The following MEGF8 variants were observed in gnomAD, a reference collection of about 807,000 sequenced individuals.
MEGF8 encodes multiple EGF like domains 8.
In MEGF8, 156 loss-of-function variants were observed where a neutral mutation model predicts 302.9. The observed-to-expected ratio is 0.52, with a 90% CI of 0.45 to 0.59. The LOEUF is 0.59. Ranked by LOEUF, MEGF8 falls within the 20% of genes least tolerant of loss-of-function variation. The probability of loss-of-function intolerance (pLI) is 0.00; values close to 1 mark genes in which losing one functional copy is unlikely to be tolerated. For synonymous variants in MEGF8, 1,621 were observed against 1,660.5 expected (o/e 0.98, Z 0.58); for missense variants, 3,345 against 3,964.5 (o/e 0.84, Z 4.20).
At chr19:42,333,082 C>T (rs2039075908) in intron 1 of MEGF8, among the ~76,000 whole-genome samples, 1 of 152,214 alleles carries the variant, frequency 6.6e-6, no homozygotes, top group Non-Finnish European at 1.5e-5. Context: ...GGGAACTATG[C>T]CGCTCCAAGG....
In MEGF8 at chr19:42,326,336, G is replaced by T; in HGVS notation, c.93G>T (p.Lys31Asn). Residue 31 changes from lysine (K) to asparagine (N), a missense_variant, in exon 1 of 42, where the codon AAG becomes AAT. Coordinates refer to ENST00000251268, the MANE Select transcript of MEGF8 (RefSeq NM_001271938.2). ...CTGGGGCCCGGGCGGGGGACTGCAA[G>T]GGGCAGCGGCAGGTGCTGCGGGAGG... ...LSPGARAGDC[K>N]GQRQVLREAP... The T allele has an allele frequency of 1.3e-6, 2 of 1,576,494 alleles. No homozygotes were observed. The highest frequency in any genetic ancestry group is 1.7e-6 in the Non-Finnish European group (2 of 1,166,094).
rs1033231623 is a variant in MEGF8, at chr19:42,325,854, C to T, written c.-390C>T. 4.4e-5 allele frequency: 8 copies of T among 179,864 alleles called. No individual in the cohort carries two copies. The highest frequency in any genetic ancestry group is 4.6e-5 in the Non-Finnish European group (4 of 86,882). 11.1% of individuals were successfully genotyped at this position (179,864 alleles called of 1,614,324 possible). On this transcript the variant is annotated 5_prime_UTR_variant, in exon 1 of 42. Transcript: ENST00000251268. The stretch of plus-strand genomic sequence containing the variant: ...GAGGCTCCTGCCGGGCCGTAGAGCC[C>T]TTCGCCCCCTGGGGACCCACCCGTC...
Position 42,369,723 on chromosome 19 carries a change from G to C in MEGF8, c.6834G>C (p.Lys2278Asn). Residue 2278 changes from lysine to asparagine, a missense_variant and splice_region_variant, in exon 38 of 42, where the codon AAG (lysine) becomes AAC (asparagine). Lys to Asn is a moderately conservative substitution (Grantham distance 94, BLOSUM62 0). Transcript: ENST00000251268. This position sits in a 1 kb window ranked among gnomAD's most constrained non-coding sequence, Gnocchi z 5.7. ...GCTTGCTCTGCCGCAACCACACCAA[G>C]GTGGGCCGCCCGGAGCCTCAGACCC... Reference protein sequence around the residue: ...DHCLLCRNHTKGSHCEQCLPL... With the variant: ...DHCLLCRNHTNGSHCEQCLPL... 6.2e-7 allele frequency: 1 copy of C among 1,602,048 alleles called. No homozygotes were observed. The highest frequency in any genetic ancestry group is 8.5e-7 in the Non-Finnish European group (1 of 1,175,556).
At position 42,334,208 on chromosome 19, in the gene MEGF8, G is replaced by A. The variant is rs766668498; in HGVS notation, c.553G>A (p.Ala185Thr). 10 of 1,592,218 alleles carry A rather than the reference G, an allele frequency of 6.3e-6. No homozygotes were observed. The highest frequency in any genetic ancestry group is 1.3e-5 in the African/African-American group (1 of 74,498). The change falls in exon 3 of 42, where the codon GCC (alanine) becomes ACC (threonine). Residue 185 changes from alanine (A) to threonine (T), a missense_variant. Transcript: ENST00000251268. ...CTACTGTGGCAGCCACGGCACCTGC[G>A]CCTCGGTGAGCCGGTCCCCAGCCCT... is the stretch of plus-strand genomic sequence containing the variant. ...SAYCGSHGTC[A>T]SPLGPCRCEP...
Position 42,353,728 on chromosome 19 carries a change from G to T in MEGF8, c.3762-47G>T, listed in dbSNP as rs765644603. ...GTAGGGTGTGCTTGGGGACACAGTG[G>T]GGAGGGTCAGGACTGGTCTGACACT... On this transcript the variant is annotated intron_variant, in intron 21 of 41. Coordinates refer to ENST00000251268, the MANE Select transcript of MEGF8 (RefSeq NM_001271938.2). This position sits in a 1 kb window ranked among gnomAD's most constrained non-coding sequence, Gnocchi z 6.1. 5 of 1,573,566 alleles carry T rather than the reference G, an allele frequency of 3.2e-6. No individual in the cohort carries two copies. Among genetic ancestry groups the T allele is most frequent in the Non-Finnish European group, 4.3e-6 (5 of 1,154,514 alleles).
chr19:42,357,011 G>T lies in MEGF8; in HGVS notation c.4830+30G>T. The T allele has an allele frequency of 6.5e-7, 1 of 1,543,060 alleles. No homozygotes were observed. The highest frequency in any genetic ancestry group is 1.2e-5 in the South Asian group (1 of 82,674). On this transcript the variant is annotated intron_variant, in intron 27 of 41. Transcript: ENST00000251268. This position sits in a 1 kb window ranked among gnomAD's most constrained non-coding sequence, Gnocchi z 5.2. ...GCATCTCTCCCCAGCCCACTCCCCA[G>T]CCCTCACACTGGGCCCTGACAGAGA...
Position 42,336,953 on chromosome 19 carries a change from G to T in MEGF8, c.1390+1G>T. On this transcript the variant is annotated splice_donor_variant, in intron 7 of 41. Coordinates refer to ENST00000251268, the MANE Select transcript of MEGF8 (RefSeq NM_001271938.2). LOFTEE classifies it high-confidence loss of function. The surrounding 1 kb of genome is among the most constrained non-coding windows in gnomAD (Gnocchi z 4.8). ...CTGGGCAATTACATGGTGGTCTATG[G>T]TGAGGAGGCTCCCCAATCCTGCCTG... The T allele has an allele frequency of 6.2e-7, 1 of 1,613,872 alleles. No homozygotes were observed. The highest frequency in any genetic ancestry group is 1.7e-5 in the Admixed American group (1 of 60,008).
Position 42,350,291 on chromosome 19 carries a change from C to T in MEGF8, c.2643C>T (p.Cys881=), listed in dbSNP as rs141629313. The T allele has an allele frequency of 1.1e-4, 176 of 1,609,520 alleles. 1 individual carries two copies. Among genetic ancestry groups the T allele is most frequent in the East Asian group, 3.3e-4 (15 of 44,876 alleles). ...TCHLRQGGAH[C]GDDGAGGSLL... Reference sequence around the variant, plus strand: ...ACCTGCGCCAGGGCGGAGCCCATTGCGGGGATGACGGGGCTGGTGGGTCCC... The same window carrying T: ...ACCTGCGCCAGGGCGGAGCCCATTGTGGGGATGACGGGGCTGGTGGGTCCC... Residue 881 remains cysteine (C), a synonymous_variant, in exon 15 of 42, where the codon TGC becomes TGT. Coordinates refer to ENST00000251268, the MANE Select transcript of MEGF8 (RefSeq NM_001271938.2).
Position 42,336,258 on chromosome 19 carries a change from C to A in MEGF8, c.1156C>A (p.Pro386Thr), listed in dbSNP as rs754356057. Residue 386 changes from proline to threonine, a missense_variant, in exon 6 of 42, where the codon CCC (proline) becomes ACC (threonine). Coordinates refer to ENST00000251268, the MANE Select transcript of MEGF8 (RefSeq NM_001271938.2). This position sits in a 1 kb window ranked among gnomAD's most constrained non-coding sequence, Gnocchi z 4.8. The part of the protein sequence containing the change: ...WEQVIPAGGR[P>T]PAATGHSMVF... ...GCAGGTGATTCCGGCAGGCGGACGG[C>A]CCCCTGCTGCCACTGGCCACTCCAT... is the stretch of plus-strand genomic sequence containing the variant. 1.2e-6 allele frequency: 2 copies of A among 1,606,746 alleles called. No homozygotes were observed. Among genetic ancestry groups the A allele is most frequent in the Non-Finnish European group, 1.7e-6 (2 of 1,179,712 alleles).
chr19:42,354,654 C>G lies in MEGF8; in HGVS notation c.4078C>G (p.Arg1360Gly). The change falls in exon 23 of 42, where the codon CGC (arginine) becomes GGC (glycine). Residue 1360 changes from arginine (R) to glycine (G), a missense_variant. By Grantham distance (125) the Arg-to-Gly change is moderately radical. Transcript: ENST00000251268. This position sits in a 1 kb window ranked among gnomAD's most constrained non-coding sequence, Gnocchi z 4.3. ...FLDTGVVQSD[R>G]SLIAAFCGQR... is the part of the protein sequence containing the mutation. ...GGACACTGGTGTTGTCCAGTCGGAC[C>G]GCAGCCTCATAGCTGCCTTCTGCGG... 6.2e-7 allele frequency: 1 copy of G among 1,612,606 alleles called. No individual in the cohort carries two copies. The highest frequency in any genetic ancestry group is 8.5e-7 in the Non-Finnish European group (1 of 1,179,804).
intron 41 of MEGF8, among the ~76,000 whole-genome samples, chr19:42,372,129 A>C (rs2039702531): frequency 6.6e-6 from 1 of 152,110 alleles, no homozygotes; most frequent in Non-Finnish European, 1.5e-5. Context: ...ATTGACTCTT[A>C]GAACTGAGGG....
At chr19:42,362,334 G>A (rs2039543847) in intron 33 of MEGF8, 50 bp from the exon 34 acceptor site, 1 of 1,611,722 alleles carries the variant, frequency 6.2e-7, no homozygotes, top group African/African-American at 1.3e-5. Flanking sequence ...GTTCTCAGCT[G>A]GCTCAGGAGG....
At chr19:42,331,713 C>A (rs893650181) in intron 1 of MEGF8, among the ~76,000 whole-genome samples, 1 of 151,574 alleles carries the variant, frequency 6.6e-6, no homozygotes, top group Admixed American at 6.6e-5. Context: ...GGATTACAAG[C>A]ATGTGCCACC....
intron 41 of MEGF8, among the ~76,000 whole-genome samples, chr19:42,373,706 G>GTTTT (rs750576656): frequency 3.5e-4 from 35 of 100,958 alleles, no homozygotes; most frequent in East Asian, 6.0e-4. Context: ...GGGCTTTTGG[G>GTTTT]TTTTTTTTTT....
In MEGF8 at chr19:42,369,999, G is replaced by C. The variant is rs2039663086; in HGVS notation, c.6835-190G>C. On this transcript the variant is annotated intron_variant, in intron 38 of 41. Transcript: ENST00000251268. This position sits in a 1 kb window ranked among gnomAD's most constrained non-coding sequence, Gnocchi z 5.7. ...TGAGATAATGGAGGGAAGGGCTTTTGAACTCAGCACTTTGGGCTGCAGGTG... is the reference window on the plus strand; with the variant it reads ...TGAGATAATGGAGGGAAGGGCTTTTCAACTCAGCACTTTGGGCTGCAGGTG... Among the ~76,000 whole-genome samples the C allele has an allele frequency of 6.6e-6, 1 of 152,216 alleles. No individual in the cohort carries two copies. Among genetic ancestry groups the C allele is most frequent in the African/African-American group, 2.4e-5 (1 of 41,456 alleles).
In MEGF8 at chr19:42,369,055, G is replaced by C. The variant is rs1269857475; in HGVS notation, c.6641+53G>C. 3 of 1,596,524 alleles carry C rather than the reference G, an allele frequency of 1.9e-6. No homozygotes were observed. Among genetic ancestry groups the C allele is most frequent in the Non-Finnish European group, 2.6e-6 (3 of 1,174,634 alleles). ...GGCAGGCTAGGGTGGGAGAGTCTGT[G>C]GGGAGCAGTAATGGATGAGGCCTAG... On this transcript the variant is annotated intron_variant, in intron 37 of 41. Transcript: ENST00000251268. This position sits in a 1 kb window ranked among gnomAD's most constrained non-coding sequence, Gnocchi z 5.7.
At chr19:42,348,989 G>T (rs564061010) in intron 13 of MEGF8, among the ~76,000 whole-genome samples, 57 of 152,282 alleles carry the variant, frequency 3.7e-4, no homozygotes, top group African/African-American at 1.4e-3. Flanking sequence ...GGTGAGGAAG[G>T]TCTGAGTCAG....
In MEGF8 at chr19:42,357,620, G is replaced by C. The variant is rs771260321; in HGVS notation, c.5011+36G>C. The C allele has an allele frequency of 1.3e-6, 2 of 1,538,712 alleles. No individual in the cohort carries two copies. Among genetic ancestry groups the C allele is most frequent in the Middle Eastern group, 1.8e-4 (1 of 5,666 alleles). On this transcript the variant is annotated intron_variant, in intron 28 of 41. Transcript: ENST00000251268. This position sits in a 1 kb window ranked among gnomAD's most constrained non-coding sequence, Gnocchi z 5.2. ...GGACCGGGAGGGGACAGCCCCCGTG[G>C]ACCTCCCGGGCATCTGGGCTTCCTG...
intron 41 of MEGF8, among the ~76,000 whole-genome samples, chr19:42,374,814 C>CGG (rs1568579167): frequency 6.6e-6 from 1 of 152,086 alleles, no homozygotes; most frequent in Admixed American, 6.6e-5. Context: ...AAGTAGGAAG[C>CGG]GGGGGCTAGG....
Sources: allele counts gnomAD v4.1 joint callset (sites outside exome capture counted in the v4.1 genomes callset), GRCh38; gene constraint gnomAD v4.1.1; non-coding constraint Gnocchi (gnomAD v3.1); transcripts MANE v1.5; gene names NCBI Gene and HGNC (gene_info 2026-07-23, HGNC 2026-07-21).